Variants in FRMD4A observed in about 807,000 individuals in gnomAD.
FRMD4A encodes FERM domain-containing protein 4A.
FRMD4A carries 29 observed loss-of-function variants against 129.1 expected under a neutral mutation model. That is an observed-to-expected ratio of 0.22 (90% CI 0.17 to 0.31). The LOEUF is 0.31. Among genes scored for constraint, FRMD4A ranks in the 10% least tolerant of loss-of-function variants. The probability of loss-of-function intolerance (pLI) is 1.00; values close to 1 mark genes in which losing one functional copy is unlikely to be tolerated. For missense variants in FRMD4A, 1,272 were observed against 1,375.8 expected (o/e 0.92, Z 1.19); for synonymous variants, 634 against 571.6 (o/e 1.11, Z -1.56).
At chr10:14,241,524 T>A (rs1450430287) in intron 2 of FRMD4A, among the ~76,000 whole-genome samples, 1 of 151,492 alleles carries the variant, frequency 6.6e-6, no homozygotes, top group Non-Finnish European at 1.5e-5. Context: ...TAAAAAGTAG[T>A]CTTCTATTCT....
chr10:14,195,420 T>C (rs929452160), intron 2 of FRMD4A, among the ~76,000 whole-genome samples: 11 of 141,338 alleles, frequency 7.8e-5, no homozygotes, highest in Non-Finnish European at 1.5e-4. Context: ...TCCCCTGTGT[T>C]TTCTTTCATT....
chr10:14,096,580 T>C (rs940010251), intron 2 of FRMD4A, among the ~76,000 whole-genome samples: 2 of 152,140 alleles, frequency 1.3e-5, no homozygotes, highest in Non-Finnish European at 2.9e-5. Context: ...TTTTTCAATA[T>C]TAGATAATTC....
At chr10:13,831,539 A>G (rs2093790350) in intron 3 of FRMD4A, among the ~76,000 whole-genome samples, 1 of 152,182 alleles carries the variant, frequency 6.6e-6, no homozygotes, top group African/African-American at 2.4e-5. Flanking sequence ...GGTTTTCTGA[A>G]CTGTTGTGGG....
rs527795442 is a variant in FRMD4A, at chr10:14,229,197, C to T, written c.45+100861G>A. ...CATTTCCAGGATAAGACAACTTTCT[C>T]ATTTGACTAGTTCAATTTTTTTAAA... On this transcript the variant is annotated intron_variant, in intron 2 of 24. Transcript: ENST00000357447. 2.7e-4 allele frequency among the ~76,000 whole-genome samples: 41 copies of T among 151,800 alleles called. 3 individuals carry two copies. The Middle Eastern group carries it at 0.01, about 38-fold the overall frequency.
chr10:13,884,281 T>C (rs1464038641), intron 2 of FRMD4A, among the ~76,000 whole-genome samples: 1 of 151,590 alleles, frequency 6.6e-6, no homozygotes. Flanking sequence ...TCTAGGCTTA[T>C]TTCTGCCATT....
At chr10:14,092,408 G>T (rs1836712182) in intron 2 of FRMD4A, among the ~76,000 whole-genome samples, 1 of 152,238 alleles carries the variant, frequency 6.6e-6, no homozygotes, top group Non-Finnish European at 1.5e-5. Flanking sequence ...ACAGGACTGG[G>T]CCGACTGGGA....
intron 2 of FRMD4A, among the ~76,000 whole-genome samples, chr10:13,998,609 A>C (rs772532005): frequency 5.3e-5 from 8 of 152,110 alleles, no homozygotes; most frequent in Non-Finnish European, 1.0e-4. Flanking sequence ...AGTGGTTCCC[A>C]TCTTGGTAAG....
At chr10:14,216,898 C>T (rs984531994) in intron 2 of FRMD4A, among the ~76,000 whole-genome samples, 7 of 152,116 alleles carry the variant, frequency 4.6e-5, no homozygotes, top group Non-Finnish European at 8.8e-5. Flanking sequence ...TGTATCTAGA[C>T]GCTTCCCAAT....
rs1282138854 is a variant in FRMD4A at position 14,039,424 on chromosome 10, A to ATCTATCTATCTG, written c.46-180513_46-180512insCAGATAGATAGA. On this transcript the variant is annotated intron_variant, in intron 2 of 24. Transcript: ENST00000357447. The stretch of plus-strand genomic sequence containing the variant: ...CATCCATCCATCTATCTATCTATCT[A>ATCTATCTATCTG]TCTATCTATATTGGAACCCCAAAAT... 2.8e-4 allele frequency among the ~76,000 whole-genome samples: 43 copies of ATCTATCTATCTG among 151,652 alleles called. 1 individual carries two copies. Among genetic ancestry groups the ATCTATCTATCTG allele is most frequent in the African/African-American group, 1.0e-3 (42 of 41,182 alleles).
At chr10:13,864,243 G>A (rs1010174844) in intron 2 of FRMD4A, among the ~76,000 whole-genome samples, 5 of 146,816 alleles carry the variant, frequency 3.4e-5, no homozygotes, top group Admixed American at 7.0e-5. Context: ...TGATCTTCCC[G>A]CCTTGGCCTC....
At chr10:13,797,403 CAAGAGATCCTCAG>C (rs1436064422) in intron 4 of FRMD4A, among the ~76,000 whole-genome samples, 3 of 152,152 alleles carry the variant, frequency 2.0e-5, no homozygotes, top group African/African-American at 7.2e-5. Context: ...AAGGCTGAGG[CAAGAGATCCTCAG>C]AGGGGAACCA....
chr10:14,192,896 G>A (rs76265289), intron 2 of FRMD4A, among the ~76,000 whole-genome samples: 6,864 of 152,254 alleles, frequency 0.045, 253 homozygotes, highest in Non-Finnish European at 0.068. Context: ...CACCAATAGG[G>A]TGCAGTTGTC....
intron 2 of FRMD4A, among the ~76,000 whole-genome samples, chr10:14,210,357 C>T (rs1301046601): frequency 1.3e-5 from 2 of 152,144 alleles, no homozygotes; most frequent in Non-Finnish European, 2.9e-5. Flanking sequence ...GACTTCCCAG[C>T]CCCAGAACTG....
intron 2 of FRMD4A, among the ~76,000 whole-genome samples, chr10:14,140,456 C>A (rs552501463): frequency 6.6e-6 from 1 of 152,332 alleles, no homozygotes; most frequent in East Asian, 1.9e-4. Context: ...TCACTTCCAA[C>A]CCGTTGAGAT....
At chr10:14,018,551 G>A (rs1214119648) in intron 2 of FRMD4A, among the ~76,000 whole-genome samples, 1 of 151,916 alleles carries the variant, frequency 6.6e-6, no homozygotes, top group African/African-American at 2.4e-5. Context: ...CATGAGCAAG[G>A]GGGAGCCATT....
chr10:13,675,487 C>A (rs1468317310), intron 15 of FRMD4A, among the ~76,000 whole-genome samples: 1 of 152,144 alleles, frequency 6.6e-6, no homozygotes, highest in East Asian at 1.9e-4. Context: ...CTGCAACCTC[C>A]GCCTCCCAGG....
chr10:13,700,425 C>T (rs2086694073), intron 14 of FRMD4A, among the ~76,000 whole-genome samples: 1 of 152,232 alleles, frequency 6.6e-6, no homozygotes, highest in Admixed American at 6.5e-5. Context: ...TTGCCACCTT[C>T]TCCCAAGAAC....
intron 2 of FRMD4A, among the ~76,000 whole-genome samples, chr10:14,184,995 T>G (rs533114136): frequency 6.6e-6 from 1 of 152,108 alleles, no homozygotes; most frequent in South Asian, 2.1e-4. Flanking sequence ...GAGCGCGGAA[T>G]GAGAGAAAAC....
Position 14,281,146 on chromosome 10 carries a change from C to G in FRMD4A, c.45+48912G>C, listed in dbSNP as rs139712577. On this transcript the variant is annotated intron_variant, in intron 2 of 24. Transcript: ENST00000357447. ...TAGCTGAGATTACAGGAGCACACCA[C>G]CACACCCAGCTAATTTTGTATTTTT... is the stretch of plus-strand genomic sequence containing the variant. 9.2e-5 allele frequency among the ~76,000 whole-genome samples: 14 copies of G among 152,142 alleles called. No individual in the cohort carries two copies. The East Asian group carries it at 2.1e-3, about 23-fold the overall frequency.
Sources: allele counts gnomAD v4.1 joint callset (sites outside exome capture counted in the v4.1 genomes callset), GRCh38; gene constraint gnomAD v4.1.1; transcripts MANE v1.5; gene names NCBI Gene and HGNC (gene_info 2026-07-23, HGNC 2026-07-21).